NPAT: variants seen among roughly 807,000 people sequenced by gnomAD.
NPAT encodes the protein nuclear protein, coactivator of histone transcription, also known as protein NPAT.
NPAT carries 52 observed loss-of-function variants against 130.7 expected under a neutral mutation model. The ratio of observed to expected loss-of-function variants is 0.40; its 90% CI spans 0.32 to 0.50. The LOEUF is 0.50. NPAT is among the 20% of genes least tolerant of loss of function. The pLI, the probability that NPAT is intolerant of heterozygous loss-of-function variation, is 0.68. For missense variants in NPAT, 1,687 were observed against 1,662.6 expected (o/e 1.01, Z -0.26); for synonymous variants, 580 against 584.8 (o/e 0.99, Z 0.12).
intron 4 of NPAT, 56 bp from the exon 5 acceptor site, chr11:108,190,556 C>G (rs1392592674): frequency 2.0e-6 from 3 of 1,491,570 alleles, no homozygotes; most frequent in African/African-American, 1.4e-5. Flanking sequence ...CTGACATCCA[C>G]TATGATTTAG....
At chr11:108,215,922 C>T (rs552007656) in intron 1 of NPAT, among the ~76,000 whole-genome samples, 2 of 152,342 alleles carry the variant, frequency 1.3e-5, no homozygotes, top group Admixed American at 1.3e-4. Flanking sequence ...CATCAAACCA[C>T]AGATGTGAAA....
chr11:108,187,262 G>A (rs571378023), intron 7 of NPAT, among the ~76,000 whole-genome samples: 27 of 152,214 alleles, frequency 1.8e-4, no homozygotes, highest in Non-Finnish European at 3.2e-4. Flanking sequence ...ACCAGCCTGG[G>A]CAACAAAGTG....
chr11:108,190,919 T>C (rs569398552), intron 4 of NPAT, among the ~76,000 whole-genome samples: 1 of 152,062 alleles, frequency 6.6e-6, no homozygotes, highest in East Asian at 1.9e-4. Context: ...TAAAATGAAA[T>C]AAAAATTAGC....
At chr11:108,208,127 G>A (rs958391931) in intron 1 of NPAT, among the ~76,000 whole-genome samples, 4 of 152,126 alleles carry the variant, frequency 2.6e-5, no homozygotes, top group Non-Finnish European at 5.9e-5. Context: ...GTTGAGCATC[G>A]CTAATCTGAA....
intron 1 of NPAT, 38 bp from the exon 2 acceptor site, chr11:108,197,458 T>C: frequency 7.6e-7 from 1 of 1,312,232 alleles, no homozygotes; most frequent in South Asian, 1.2e-5. Context: ...TTATACTAAA[T>C]TCTGTACTTT....
At chr11:108,189,472 T>C in intron 5 of NPAT, 142 bp from the exon 6 acceptor site, 1 of 715,930 alleles carries the variant, frequency 1.4e-6, no homozygotes, top group South Asian at 1.5e-5. Flanking sequence ...ATCAACTAAA[T>C]TTATGCGACT....
chr11:108,199,264 C>G (rs935030877), intron 1 of NPAT, among the ~76,000 whole-genome samples: 2 of 152,220 alleles, frequency 1.3e-5, no homozygotes, highest in African/African-American at 4.8e-5. Flanking sequence ...CAGACGCCGG[C>G]TCCCAAGGTG....
chr11:108,188,057 T>A (rs2078125331), intron 7 of NPAT, 41 bp downstream of exon 7: 4 of 1,329,478 alleles, frequency 3.0e-6, no homozygotes, highest in Admixed American at 1.7e-5. Context: ...TTTTTTTTTT[T>A]AATGGATACG....
intron 15 of NPAT, among the ~76,000 whole-genome samples, chr11:108,166,948 A>G (rs1435860216): frequency 6.6e-6 from 1 of 152,172 alleles, no homozygotes; most frequent in Non-Finnish European, 1.5e-5. Context: ...GATTTCAAAT[A>G]TTCTCCATTT....
At chr11:108,204,182 G>C (rs1315405904) in intron 1 of NPAT, among the ~76,000 whole-genome samples, 1 of 152,152 alleles carries the variant, frequency 6.6e-6, no homozygotes, top group African/African-American at 2.4e-5. Flanking sequence ...AGGCAGACAG[G>C]GGTGGGTCCA....
chr11:108,218,447 G>C (rs964891932), intron 1 of NPAT, among the ~76,000 whole-genome samples: 8 of 152,156 alleles, frequency 5.3e-5, no homozygotes, highest in African/African-American at 1.7e-4. Flanking sequence ...TTATTTCCTA[G>C]AAAGATTAGT....
At chr11:108,183,478 C>G (rs2078076277) in intron 10 of NPAT, among the ~76,000 whole-genome samples, 1 of 152,066 alleles carries the variant, frequency 6.6e-6, no homozygotes, top group Non-Finnish European at 1.5e-5. Flanking sequence ...AAAAAGATGT[C>G]CTAAAATCAC....
chr11:108,185,915 TAG>T (rs1251301602), intron 8 of NPAT, among the ~76,000 whole-genome samples: 1 of 152,168 alleles, frequency 6.6e-6, no homozygotes, highest in East Asian at 1.9e-4. Context: ...GTATTTTTAG[TAG>T]AGACAGTTGT....
intron 7 of NPAT, among the ~76,000 whole-genome samples, chr11:108,187,142 T>C (rs2078115223): frequency 6.6e-6 from 1 of 152,142 alleles, no homozygotes; most frequent in Admixed American, 6.6e-5. Context: ...TTCCTATAAA[T>C]GTTAAATATT....
At chr11:108,178,353 G>C (rs768076431) in intron 10 of NPAT, among the ~76,000 whole-genome samples, 1 of 152,080 alleles carries the variant, frequency 6.6e-6, no homozygotes, top group South Asian at 2.1e-4. Context: ...AGTGTTTCTG[G>C]GGGAGTATGA....
intron 10 of NPAT, among the ~76,000 whole-genome samples, chr11:108,177,626 G>C (rs2078021506): frequency 6.6e-6 from 1 of 152,076 alleles, no homozygotes; most frequent in South Asian, 2.1e-4. Flanking sequence ...CTTCTTAGAG[G>C]TAAGAACTTT....
intron 10 of NPAT, among the ~76,000 whole-genome samples, chr11:108,179,077 T>C (rs983882892): frequency 1.3e-4 from 19 of 151,978 alleles, no homozygotes; most frequent in Non-Finnish European, 1.3e-4. Context: ...CTCAGGAAAA[T>C]GTAGTCGAAT....
At position 108,160,995 on chromosome 11, in the gene NPAT, C is replaced by G. The variant is rs368243074; in HGVS notation, c.4091G>C (p.Arg1364Thr). 1.9e-6 allele frequency: 3 copies of G among 1,614,000 alleles called. No homozygotes were observed. The African/African-American group carries it at 4.0e-5, about 22-fold the overall frequency. ...DNTQQFRASS[R>T]STTKKRKIEE... ...AATTTTCCGCTTTTTTGTGGTGCTC[C>G]TTGAAGATGCTCTAAACTGTTGTGT... Residue 1364 changes from arginine to threonine, a missense_variant, in exon 17 of 18, where the codon AGG (arginine) becomes ACG (threonine). By Grantham distance (71) the Arg-to-Thr change is moderately conservative. Coordinates refer to ENST00000278612, the MANE Select transcript of NPAT (RefSeq NM_002519.3).
chr11:108,186,171 C>A lies in NPAT; in HGVS notation c.726+311G>T, dbSNP rs140140153. On this transcript the variant is annotated intron_variant, in intron 8 of 17. Transcript: ENST00000278612. The stretch of plus-strand genomic sequence containing the variant: ...AGCTAGGACTACAGGCACGTGCTAC[C>A]ACACCTAGCTAATATTTGTATTTTT... 2.8e-3 allele frequency among the ~76,000 whole-genome samples: 421 copies of A among 152,198 alleles called. 1 individual carries two copies. The highest frequency in any genetic ancestry group is 9.9e-3 in the African/African-American group (409 of 41,522).
Sources: allele counts gnomAD v4.1 joint callset (sites outside exome capture counted in the v4.1 genomes callset), GRCh38; gene constraint gnomAD v4.1.1; transcripts MANE v1.5; gene names NCBI Gene and HGNC (gene_info 2026-07-23, HGNC 2026-07-21).